MSH3: variants seen among roughly 807,000 people sequenced by gnomAD.
MSH3 encodes the protein DNA mismatch repair protein Msh3.
In MSH3, 106 loss-of-function variants were observed where a neutral mutation model predicts 123.3. The ratio of observed to expected loss-of-function variants is 0.86; its 90% confidence interval spans 0.73 to 1.01. MSH3 has a LOEUF of 1.01. MSH3 is among the 50% of genes least tolerant of loss of function. The pLI is 0.00. For synonymous variants in MSH3, 515 were observed against 481.4 expected, an observed-to-expected ratio of 1.07 and a Z score of -0.91; for missense variants, 1,459 against 1,347.6, an observed-to-expected ratio of 1.08 and a Z score of -1.29.
At chr5:80,698,881 C>T (rs1158764905) in intron 8 of MSH3, among the ~76,000 whole-genome samples, 1 of 152,136 alleles carries the variant, frequency 6.6e-6, no homozygotes, top group Non-Finnish European at 1.5e-5. Context: ...AGCATACCAA[C>T]ATGGCACATG....
intron 8 of MSH3, among the ~76,000 whole-genome samples, chr5:80,720,720 T>C (rs563549459): frequency 6.6e-6 from 1 of 152,208 alleles, no homozygotes; most frequent in South Asian, 2.1e-4. Context: ...TTTTTCTTTT[T>C]TTTTCTTATC....
intron 12 of MSH3, chr5:80,746,325 G>A (rs994574119): frequency 2.0e-5 from 7 of 349,874 alleles, no homozygotes; most frequent in South Asian, 4.6e-5. Context: ...GTGTGACGGC[G>A]TCAAGGACGT....
intron 13 of MSH3, among the ~76,000 whole-genome samples, chr5:80,762,824 TG>T (rs1363960160): frequency 2.7e-5 from 4 of 149,784 alleles, no homozygotes; most frequent in African/African-American, 9.8e-5. Flanking sequence ...TGTTATGTTA[TG>T]TTATGTTATT....
rs372024966 is a variant in MSH3, at chr5:80,686,237, A to G, written c.1340+7144A>G. On this transcript the variant is annotated intron_variant, in intron 8 of 23. Coordinates refer to ENST00000265081, the MANE Select transcript of MSH3 (RefSeq NM_002439.5). The stretch of plus-strand genomic sequence containing the variant: ...GATTAAGTCTGACGTTTCTTTATTG[A>G]TTTTCTGTCTGGAAGATCTGTCCAA... 1.1e-4 allele frequency among the ~76,000 whole-genome samples: 17 copies of G among 152,142 alleles called. 1 individual carries two copies. Among genetic ancestry groups the G allele is most frequent in the African/African-American group, 4.1e-4 (17 of 41,502 alleles).
At chr5:80,868,784 C>A (rs773936413) in intron 22 of MSH3, among the ~76,000 whole-genome samples, 26 of 150,424 alleles carry the variant, frequency 1.7e-4, no homozygotes, top group Admixed American at 2.6e-4. Context: ...AAAAAAAAAA[C>A]AACAACTCTA....
intron 8 of MSH3, among the ~76,000 whole-genome samples, chr5:80,681,669 AT>A (rs1220110041): frequency 4.8e-5 from 7 of 145,012 alleles, no homozygotes. Context: ...TATTTTATTA[AT>A]TTAGATTGAG....
intron 8 of MSH3, among the ~76,000 whole-genome samples, chr5:80,702,018 C>CA (rs572520245): frequency 1.8e-4 from 27 of 151,198 alleles, no homozygotes; most frequent in South Asian, 4.2e-4. Flanking sequence ...ACAACAGAAA[C>CA]AAAAAAAACC....
chr5:80,745,877 A>G (rs1456984427), intron 12 of MSH3, among the ~76,000 whole-genome samples: 1 of 152,244 alleles, frequency 6.6e-6, no homozygotes, highest in African/African-American at 2.4e-5. Flanking sequence ...GTGATTAATA[A>G]ATAGTCACTA....
intron 10 of MSH3, among the ~76,000 whole-genome samples, chr5:80,740,190 G>A (rs1320740871): frequency 6.6e-6 from 1 of 152,196 alleles, no homozygotes; most frequent in African/African-American, 2.4e-5. Flanking sequence ...TATTAGTCAT[G>A]CTGTAGCTCA....
intron 2 of MSH3, among the ~76,000 whole-genome samples, chr5:80,664,356 G>T (rs6151604): frequency 1.3e-5 from 2 of 151,980 alleles, no homozygotes; most frequent in African/African-American, 2.4e-5. Flanking sequence ...AAGTCTTTCC[G>T]CTTGAGCTAG....
chr5:80,876,628 CAAAAAAA>C lies in MSH3; in HGVS notation c.*773_*779del, dbSNP rs71879707. Among the ~76,000 whole-genome samples the C allele has an allele frequency of 0.17, 21,435 of 126,314 alleles. 1,576 individuals are homozygous for C. The highest frequency in any genetic ancestry group is 0.27 in the East Asian group (1,239 of 4,648). 82.9% of individuals were successfully genotyped at this position (126,314 alleles called of 152,430 possible). ...TGGGCAACAGAGCAAGACTCCATCTCAAAAAAAAAAAAAGAAAAAAGAAAAGAAATAG... is the reference window on the plus strand; with the variant it reads ...TGGGCAACAGAGCAAGACTCCATCTCAAAAAAGAAAAAAGAAAAGAAATAG... On this transcript the variant is annotated 3_prime_UTR_variant, in exon 24 of 24. Coordinates refer to ENST00000265081, the MANE Select transcript of MSH3 (RefSeq NM_002439.5).
intron 20 of MSH3, among the ~76,000 whole-genome samples, chr5:80,844,854 A>G (rs1745693117): frequency 6.6e-6 from 1 of 152,086 alleles, no homozygotes; most frequent in Non-Finnish European, 1.5e-5. Context: ...CTCTTTCTCC[A>G]ATTTGCCAGT....
At chr5:80,853,014 T>G (rs531526458) in intron 20 of MSH3, among the ~76,000 whole-genome samples, 8 of 152,350 alleles carry the variant, frequency 5.3e-5, no homozygotes, top group African/African-American at 1.9e-4. Context: ...ACACTGAGTA[T>G]TACCTAATAA....
At chr5:80,853,450 G>A (rs2112105408) in intron 20 of MSH3, among the ~76,000 whole-genome samples, 1 of 151,898 alleles carries the variant, frequency 6.6e-6, no homozygotes, top group South Asian at 2.1e-4. Flanking sequence ...ACTCCAGCCT[G>A]GGCAATGGGA....
intron 19 of MSH3, among the ~76,000 whole-genome samples, chr5:80,795,633 A>G (rs1483787593): frequency 6.6e-6 from 1 of 152,210 alleles, no homozygotes; most frequent in African/African-American, 2.4e-5. Flanking sequence ...AGAGAGACAA[A>G]TATTCATACC....
chr5:80,749,783 A>C (rs941562375), intron 12 of MSH3, among the ~76,000 whole-genome samples: 4 of 152,210 alleles, frequency 2.6e-5, no homozygotes, highest in Non-Finnish European at 4.4e-5. Context: ...AACTATAGTC[A>C]CCGTACTATG....
At chr5:80,869,805 C>T (rs868287187) in intron 22 of MSH3, among the ~76,000 whole-genome samples, 58 of 100,278 alleles carry the variant, frequency 5.8e-4, no homozygotes, top group African/African-American at 1.2e-3. Context: ...CATATATATA[C>T]ATATATACAT....
At position 80,779,643 on chromosome 5, in the gene MSH3, C is replaced by T. The variant is rs183621755; in HGVS notation, c.2435+807C>T. On this transcript the variant is annotated intron_variant, in intron 17 of 23. Coordinates refer to ENST00000265081, the MANE Select transcript of MSH3 (RefSeq NM_002439.5). ...TTGGCTCACTGCAAGCTCTGCCTCC[C>T]GAGTTCTCCCACCTCAGTCATTCTC... 5.5e-3 allele frequency among the ~76,000 whole-genome samples: 835 copies of T among 151,224 alleles called. 6 individuals carry two copies. The highest frequency in any genetic ancestry group is 0.017 in the Middle Eastern group (5 of 290).
At chr5:80,679,764 G>A (rs1749928330) in intron 8 of MSH3, among the ~76,000 whole-genome samples, 1 of 152,172 alleles carries the variant, frequency 6.6e-6, no homozygotes, top group South Asian at 2.1e-4. Context: ...ATACCTAACT[G>A]GACTTAAAGG....
Sources: allele counts gnomAD v4.1 joint callset (sites outside exome capture counted in the v4.1 genomes callset), GRCh38; gene constraint gnomAD v4.1.1; transcripts MANE v1.5; gene names NCBI Gene and HGNC (gene_info 2026-07-23, HGNC 2026-07-21).